Variants in RABGAP1L observed in about 807,000 individuals in gnomAD.
The protein encoded by RABGAP1L is rab GTPase-activating protein 1-like.
A neutral mutation model predicts 137.7 loss-of-function variants in RABGAP1L; 63 were observed. That is an observed-to-expected ratio of 0.46 (90% confidence interval 0.37 to 0.56). The LOEUF is 0.56. RABGAP1L is among the 20% of genes least tolerant of loss of function. The pLI, the probability that RABGAP1L is intolerant of heterozygous loss-of-function variation, is 0.00. For missense variants in RABGAP1L, 1,095 were observed against 1,244.0 expected (o/e 0.88, Z 1.80); for synonymous variants, 431 against 433.7 (o/e 0.99, Z 0.08).
chr1:174,376,662 A>G (rs1685572673), intron 12 of RABGAP1L, among the ~76,000 whole-genome samples: 1 of 152,204 alleles, frequency 6.6e-6, no homozygotes, highest in Admixed American at 6.5e-5. Context: ...ATTTAAAAAA[A>G]CCAAAAAACA....
intron 19 of RABGAP1L, among the ~76,000 whole-genome samples, chr1:174,930,451 G>A (rs1663606013): frequency 6.6e-6 from 1 of 151,566 alleles, no homozygotes; most frequent in African/African-American, 2.4e-5. Context: ...TCTGGTAGCT[G>A]TGCCTGCAGT....
intron 13 of RABGAP1L, among the ~76,000 whole-genome samples, chr1:174,511,986 C>T (rs12094143): frequency 0.55 from 82,952 of 151,916 alleles, 24,757 homozygotes; most frequent in African/African-American, 0.8. Context: ...TTTTCCAATC[C>T]TTTATTTATT....
chr1:174,802,263 G>A (rs1688824988), intron 18 of RABGAP1L, among the ~76,000 whole-genome samples: 1 of 152,054 alleles, frequency 6.6e-6, no homozygotes, highest in African/African-American at 2.4e-5. Context: ...CCTTACTTAG[G>A]CTCTATCAGT....
chr1:174,468,701 C>A lies in RABGAP1L; in HGVS notation c.1710+74556C>A, dbSNP rs546233572. Among the ~76,000 whole-genome samples the A allele has an allele frequency of 2.0e-5, 3 of 151,368 alleles. No homozygotes were observed. In the East Asian group the frequency reaches 5.9e-4, roughly 30 times the overall value. The stretch of plus-strand genomic sequence containing the variant: ...AGAGAAGAAATCATAGACACTACAT[C>A]TATATCTACCTCTTTCTCTCTCTCT... On this transcript the variant is annotated intron_variant, in intron 13 of 25. Transcript: ENST00000681986.
intron 13 of RABGAP1L, among the ~76,000 whole-genome samples, chr1:174,598,183 C>G (rs1670117041): frequency 6.6e-6 from 1 of 152,050 alleles, no homozygotes; most frequent in Non-Finnish European, 1.5e-5. Context: ...CAAAAATTAG[C>G]TGGGCATGTT....
intron 13 of RABGAP1L, among the ~76,000 whole-genome samples, chr1:174,538,624 G>A (rs1048373658): frequency 6.6e-6 from 1 of 152,028 alleles, no homozygotes; most frequent in South Asian, 2.1e-4. Flanking sequence ...CCACAAGGTG[G>A]TTATAATGAT....
At chr1:174,739,490 C>T (rs75060497) in intron 17 of RABGAP1L, among the ~76,000 whole-genome samples, 1,720 of 152,246 alleles carry the variant, frequency 0.011, 37 homozygotes, top group African/African-American at 0.037. Context: ...TGGTAATGCT[C>T]AGTTCTCAGT....
chr1:174,199,039 C>T (rs999384170), intron 1 of RABGAP1L, among the ~76,000 whole-genome samples: 3 of 152,084 alleles, frequency 2.0e-5, no homozygotes, highest in African/African-American at 7.2e-5. Context: ...ACCTGGGAGG[C>T]GGAGGTTGCA....
chr1:174,493,974 A>C (rs903624109), intron 13 of RABGAP1L, among the ~76,000 whole-genome samples: 9 of 152,158 alleles, frequency 5.9e-5, no homozygotes, highest in Non-Finnish European at 1.2e-4. Context: ...ACTTTTTGGC[A>C]GTTGCCATTT....
intron 19 of RABGAP1L, among the ~76,000 whole-genome samples, chr1:174,816,845 C>T (rs559349290): frequency 6.6e-6 from 1 of 151,820 alleles, no homozygotes; most frequent in South Asian, 2.1e-4. Context: ...AGTTCCCCTG[C>T]CCAGCCTTCC....
intron 7 of RABGAP1L, among the ~76,000 whole-genome samples, chr1:174,266,478 G>GTTA (rs1454418017): frequency 6.6e-6 from 1 of 152,148 alleles, no homozygotes; most frequent in Non-Finnish European, 1.5e-5. Flanking sequence ...TTGCTTTGTA[G>GTTA]TTATGGTATA....
At chr1:174,296,204 GAGAC>G (rs1343925501) in intron 10 of RABGAP1L, among the ~76,000 whole-genome samples, 1 of 152,200 alleles carries the variant, frequency 6.6e-6, no homozygotes, top group African/African-American at 2.4e-5. Flanking sequence ...TGGTAAATAA[GAGAC>G]AGTGTTCTTA....
chr1:174,523,885 G>A (rs1663645923), intron 13 of RABGAP1L, among the ~76,000 whole-genome samples: 1 of 152,072 alleles, frequency 6.6e-6, no homozygotes, highest in Non-Finnish European at 1.5e-5. Flanking sequence ...AGAACATATG[G>A]TATTTATCTT....
chr1:174,229,391 A>G (rs114455397), intron 3 of RABGAP1L, among the ~76,000 whole-genome samples: 199 of 152,226 alleles, frequency 1.3e-3, no homozygotes, highest in Middle Eastern at 0.01. Flanking sequence ...TTATTGTTCT[A>G]TATCACTTGT....
chr1:174,598,976 T>G (rs1427724672), intron 13 of RABGAP1L, among the ~76,000 whole-genome samples: 1 of 152,120 alleles, frequency 6.6e-6, no homozygotes, highest in Non-Finnish European at 1.5e-5. Context: ...CCTTATGATC[T>G]TTCTCCCTCC....
intron 14 of RABGAP1L, among the ~76,000 whole-genome samples, chr1:174,665,155 C>T (rs1229986877): frequency 6.6e-6 from 1 of 152,086 alleles, no homozygotes; most frequent in African/African-American, 2.4e-5. Flanking sequence ...AGTCACTCAC[C>T]TGAATGTCAT....
At chr1:174,872,392 T>C (rs908546965) in intron 19 of RABGAP1L, among the ~76,000 whole-genome samples, 3 of 152,136 alleles carry the variant, frequency 2.0e-5, no homozygotes, top group African/African-American at 7.2e-5. Context: ...TCTGAAAAGC[T>C]TTCTTCTGAT....
rs529394786 is a variant in RABGAP1L at position 174,546,805 on chromosome 1, C to T, written c.1711-90570C>T. Among the ~76,000 whole-genome samples the T allele has an allele frequency of 1.9e-4, 29 of 151,640 alleles. No homozygotes were observed. The East Asian group carries it at 2.1e-3, about 11-fold the overall frequency. On this transcript the variant is annotated intron_variant, in intron 13 of 25. Coordinates refer to ENST00000681986, the MANE Select transcript of RABGAP1L (RefSeq NM_001366446.1). ...CAGCACTTTGGGAGGCCAAGGCAGG[C>T]GGATCACGAGGTCAGGAGATCGAGA...
intron 18 of RABGAP1L, among the ~76,000 whole-genome samples, chr1:174,760,297 A>G (rs1685117703): frequency 6.6e-6 from 1 of 152,128 alleles, no homozygotes; most frequent in African/African-American, 2.4e-5. Context: ...TGATAAGCAT[A>G]GTACCCAATA....
Sources: allele counts gnomAD v4.1 joint callset (sites outside exome capture counted in the v4.1 genomes callset), GRCh38; gene constraint gnomAD v4.1.1; transcripts MANE v1.5; gene names NCBI Gene and HGNC (gene_info 2026-07-23, HGNC 2026-07-21).